Variants in EYS observed in about 807,000 individuals in gnomAD.
The protein encoded by EYS is protein eyes shut homolog.
A neutral mutation model predicts 282.1 loss-of-function variants in EYS; 250 were observed. That is an observed-to-expected ratio of 0.89 (90% CI 0.80 to 0.98). The LOEUF is 0.98. Among genes scored for constraint, EYS ranks in the 50% least tolerant of loss-of-function variants. The probability of loss-of-function intolerance (pLI) is 0.00; values close to 1 mark genes in which losing one functional copy is unlikely to be tolerated. For missense variants in EYS, 4,016 were observed against 3,709.0 expected (o/e 1.08, Z -2.15); for synonymous variants, 1,355 against 1,282.9 (o/e 1.06, Z -1.20).
chr6:65,685,874 T>C (rs1323568515), intron 1 of EYS, among the ~76,000 whole-genome samples: 2 of 152,034 alleles, frequency 1.3e-5, no homozygotes, highest in African/African-American at 4.8e-5. Context: ...AAATTAATAT[T>C]CTAAACATTA....
chr6:64,548,579 C>CA (rs1348067275), intron 26 of EYS, among the ~76,000 whole-genome samples: 1 of 151,408 alleles, frequency 6.6e-6, no homozygotes, highest in East Asian at 1.9e-4. Context: ...ATCACAAGGA[C>CA]AAAAAACCAA....
intron 26 of EYS, among the ~76,000 whole-genome samples, chr6:64,562,818 A>C (rs1296169975): frequency 6.6e-6 from 1 of 151,928 alleles, no homozygotes; most frequent in Non-Finnish European, 1.5e-5. Context: ...CTTTCATTTA[A>C]AACAATACTT....
chr6:65,589,981 T>C (rs1765177226), intron 2 of EYS, among the ~76,000 whole-genome samples: 1 of 152,008 alleles, frequency 6.6e-6, no homozygotes, highest in South Asian at 2.1e-4. Flanking sequence ...AATCATATGC[T>C]GAAAGCAAAA....
intron 31 of EYS, among the ~76,000 whole-genome samples, chr6:64,229,791 C>A (rs1190036586): frequency 6.6e-6 from 1 of 152,054 alleles, no homozygotes; most frequent in Non-Finnish European, 1.5e-5. Flanking sequence ...ATTAGGATGT[C>A]CCACATTTTA....
At chr6:63,830,791 G>C (rs956140289) in intron 36 of EYS, among the ~76,000 whole-genome samples, 3 of 152,128 alleles carry the variant, frequency 2.0e-5, no homozygotes, top group Non-Finnish European at 4.4e-5. Flanking sequence ...GAAATGAAGG[G>C]AAAAATGTTA....
chr6:64,371,202 C>A (rs1051340867), intron 29 of EYS, among the ~76,000 whole-genome samples: 5 of 151,928 alleles, frequency 3.3e-5, no homozygotes, highest in South Asian at 2.1e-4. Context: ...CCCAGAGATT[C>A]TGGAATGTTG....
intron 26 of EYS, among the ~76,000 whole-genome samples, chr6:64,534,550 C>T (rs1407787280): frequency 6.6e-6 from 1 of 152,000 alleles, no homozygotes; most frequent in Non-Finnish European, 1.5e-5. Flanking sequence ...TTCCCTTTTG[C>T]TTTCATTCTG....
chr6:65,648,105 G>T (rs1181921694), intron 1 of EYS, among the ~76,000 whole-genome samples: 1 of 152,138 alleles, frequency 6.6e-6, no homozygotes, highest in Non-Finnish European at 1.5e-5. Context: ...CGACCACTAT[G>T]GAAAACAATG....
At chr6:64,536,109 A>G (rs1474638573) in intron 26 of EYS, among the ~76,000 whole-genome samples, 1 of 152,084 alleles carries the variant, frequency 6.6e-6, no homozygotes, top group Non-Finnish European at 1.5e-5. Context: ...TTTTATATAA[A>G]TATGTCAAAA....
At chr6:64,575,337 A>C (rs906074074) in intron 26 of EYS, among the ~76,000 whole-genome samples, 2 of 152,202 alleles carry the variant, frequency 1.3e-5, no homozygotes, top group African/African-American at 4.8e-5. Context: ...ATTGGAATAC[A>C]AAAGTTAATG....
At chr6:65,278,192 T>G (rs1768108969) in intron 12 of EYS, among the ~76,000 whole-genome samples, 1 of 149,016 alleles carries the variant, frequency 6.7e-6, no homozygotes, top group African/African-American at 2.5e-5. Flanking sequence ...GCATTGGCTC[T>G]TCTGGTGTAG....
At chr6:64,260,438 G>T (rs1352765127) in intron 30 of EYS, among the ~76,000 whole-genome samples, 1 of 152,022 alleles carries the variant, frequency 6.6e-6, no homozygotes, top group African/African-American at 2.4e-5. Flanking sequence ...TTATCAAGTA[G>T]TTCTTATACC....
chr6:64,031,842 C>G (rs1419128169), intron 33 of EYS, among the ~76,000 whole-genome samples: 3 of 152,142 alleles, frequency 2.0e-5, no homozygotes, highest in African/African-American at 7.2e-5. Flanking sequence ...AAACAGACCA[C>G]TCGGCTCTAC....
intron 5 of EYS, among the ~76,000 whole-genome samples, chr6:65,432,505 AT>A (rs1767924428): frequency 6.6e-6 from 1 of 152,144 alleles, no homozygotes; most frequent in African/African-American, 2.4e-5. Context: ...TATAGGGTTC[AT>A]TTTTAAATAA....
chr6:64,153,297 A>G (rs933532567), intron 31 of EYS, among the ~76,000 whole-genome samples: 94 of 152,302 alleles, frequency 6.2e-4, no homozygotes, highest in African/African-American at 2.2e-3. Context: ...AAATGTAATC[A>G]TATTTTGTAG....
intron 24 of EYS, among the ~76,000 whole-genome samples, chr6:64,594,573 C>T (rs1398321066): frequency 3.3e-5 from 5 of 151,542 alleles, no homozygotes; most frequent in African/African-American, 1.2e-4. Context: ...CCATCATTCT[C>T]AGCAAACTAT....
At chr6:65,510,357 A>G (rs185420256) in intron 2 of EYS, among the ~76,000 whole-genome samples, 10 of 152,054 alleles carry the variant, frequency 6.6e-5, no homozygotes, top group Admixed American at 5.2e-4. Flanking sequence ...CATCATTTTT[A>G]TGGCTGCATA....
At chr6:65,030,721 C>T (rs1309062178) in intron 13 of EYS, among the ~76,000 whole-genome samples, 1 of 152,116 alleles carries the variant, frequency 6.6e-6, no homozygotes, top group Non-Finnish European at 1.5e-5. Context: ...CTGTTAGTAG[C>T]CCTTCAGGGG....
chr6:64,024,326 G>T lies in EYS; in HGVS notation c.6726-25143C>A, dbSNP rs1440892141. ...TGACACTATGTATCTAGCTACTCTG[G>T]TGGGGACTTGGAGAACATTTGTGTG... is the stretch of plus-strand genomic sequence containing the variant. On this transcript the variant is annotated intron_variant, in intron 33 of 42. Transcript: ENST00000503581. Among the ~76,000 whole-genome samples the T allele has an allele frequency of 2.6e-5, 4 of 152,118 alleles. No individual in the cohort carries two copies. The East Asian group carries it at 7.7e-4, about 29-fold the overall frequency.
Sources: allele counts gnomAD v4.1 joint callset (sites outside exome capture counted in the v4.1 genomes callset), GRCh38; gene constraint gnomAD v4.1.1; transcripts MANE v1.5; gene names NCBI Gene and HGNC (gene_info 2026-07-23, HGNC 2026-07-21).